Variants in ZNF423 observed in about 807,000 individuals in gnomAD.
ZNF423 encodes Ebf-associated zinc finger protein.
Under a neutral mutation model 95.8 loss-of-function variants are expected in ZNF423, and 12 were observed. The ratio of observed to expected loss-of-function variants is 0.13; its 90% CI spans 0.08 to 0.20. ZNF423 has a LOEUF of 0.20. ZNF423 is among the 10% of genes least tolerant of loss of function. The pLI, the probability that ZNF423 is intolerant of heterozygous loss-of-function variation, is 1.00. For synonymous variants in ZNF423, 749 were observed against 711.9 expected, an observed-to-expected ratio of 1.05 and a Z score of -0.83; for missense variants, 1,316 against 1,737.1, an observed-to-expected ratio of 0.76 and a Z score of 4.31.
At chr16:49,566,627 G>T (rs939822015) in intron 5 of ZNF423, among the ~76,000 whole-genome samples, 3 of 152,208 alleles carry the variant, frequency 2.0e-5, no homozygotes, top group African/African-American at 7.2e-5. Flanking sequence ...TCTTTCATTT[G>T]AGTAATTATC....
rs766807470 is a variant in ZNF423 at position 49,680,507 on chromosome 16, G to T, written c.302-41633C>A. On this transcript the variant is annotated intron_variant, in intron 3 of 7. Transcript: ENST00000563137. ...CAGAAGAGCTGCAGCCCTTCGGTGAGCCCAGACCTAGAGGCTCCCCAAGCC... is the reference window on the plus strand; with the variant it reads ...CAGAAGAGCTGCAGCCCTTCGGTGATCCCAGACCTAGAGGCTCCCCAAGCC... Among the ~76,000 whole-genome samples, 31 of 152,212 alleles carry T rather than the reference G, an allele frequency of 2.0e-4. 1 individual carries two copies. Among genetic ancestry groups the T allele is most frequent in the Admixed American group, 8.5e-4 (13 of 15,288 alleles).
At chr16:49,567,366 T>C (rs1970225257) in intron 5 of ZNF423, among the ~76,000 whole-genome samples, 1 of 152,184 alleles carries the variant, frequency 6.6e-6, no homozygotes, top group Non-Finnish European at 1.5e-5. Flanking sequence ...ACTGCGATGC[T>C]CCCATGATGC....
chr16:49,660,955 T>G (rs1471133631), intron 3 of ZNF423, among the ~76,000 whole-genome samples: 1 of 152,112 alleles, frequency 6.6e-6, no homozygotes, highest in African/African-American at 2.4e-5. Context: ...GCATGGTGAC[T>G]CACACCTATA....
chr16:49,857,306 TGGCGGC>T (rs59062897), upstream of ZNF423, among the ~76,000 whole-genome samples: 26 of 144,468 alleles, frequency 1.8e-4, no homozygotes, highest in East Asian at 2.7e-3. The surrounding 1 kb of genome is among the most constrained non-coding windows in gnomAD (Gnocchi z 6.2). Context: ...CGGACCGTGG[TGGCGGC>T]GGCGGCGGCG....
intron 5 of ZNF423, among the ~76,000 whole-genome samples, chr16:49,561,274 A>G (rs538588538): frequency 1.3e-5 from 2 of 152,336 alleles, no homozygotes; most frequent in South Asian, 4.1e-4. Context: ...AAGGCTACAA[A>G]ATCAAAATTC....
intron 2 of ZNF423, among the ~76,000 whole-genome samples, chr16:49,776,315 G>T (rs978951665): frequency 6.6e-6 from 1 of 152,146 alleles, no homozygotes; most frequent in African/African-American, 2.4e-5. Flanking sequence ...CCAGCCCAGC[G>T]GGTGGGGAGG....
chr16:49,702,909 G>GCACA (rs66522223), intron 3 of ZNF423, among the ~76,000 whole-genome samples: 2,192 of 147,610 alleles, frequency 0.015, 36 homozygotes, highest in African/African-American at 0.041. Context: ...GTGTGCACAC[G>GCACA]CACACACACA....
Position 49,637,332 on chromosome 16 carries a change from G to C in ZNF423, c.1844C>G (p.Ser615Trp). ...KKSKAEQSPVSSDVEVSSPKR... is the reference protein window; with the variant it reads ...KKSKAEQSPVWSDVEVSSPKR... ...CGGGGAAGACACCTCCACATCGGAC[G>C]AGACTGGGCTCTGCTCGGCCTTGGA... Residue 615 changes from serine to tryptophan, a missense_variant, in exon 4 of 8, where the codon TCG becomes TGG. Transcript: ENST00000563137. This position sits in a 1 kb window ranked among gnomAD's most constrained non-coding sequence, Gnocchi z 5.6. 1 of 1,614,218 alleles carries C rather than the reference G, an allele frequency of 6.2e-7. No homozygotes were observed. Among genetic ancestry groups the C allele is most frequent in the East Asian group, 2.2e-5 (1 of 44,880 alleles).
chr16:49,800,575 GACACACACACAC>G (rs71138006), intron 1 of ZNF423, among the ~76,000 whole-genome samples: 3 of 150,050 alleles, frequency 2.0e-5, no homozygotes, highest in Non-Finnish European at 4.4e-5. Context: ...ACCTGGACAT[GACACACACACAC>G]ACACACACAC....
intron 3 of ZNF423, among the ~76,000 whole-genome samples, chr16:49,700,439 C>G (rs1245663237): frequency 6.6e-6 from 1 of 152,144 alleles, no homozygotes; most frequent in African/African-American, 2.4e-5. Context: ...CACAGCCCCA[C>G]CCATCATGAC....
intron 1 of ZNF423, among the ~76,000 whole-genome samples, chr16:49,832,337 G>A (rs1340255794): frequency 6.6e-6 from 1 of 152,230 alleles, no homozygotes; most frequent in Non-Finnish European, 1.5e-5. Context: ...GTCTTCTGGG[G>A]TAGCAGGCCC....
At chr16:49,737,663 G>A (rs894235590) in intron 2 of ZNF423, among the ~76,000 whole-genome samples, 8 of 152,204 alleles carry the variant, frequency 5.3e-5, no homozygotes, top group East Asian at 3.9e-4. Context: ...AAAGGGGAAC[G>A]GGGAGAGGCC....
chr16:49,777,974 T>C (rs1212580644), intron 2 of ZNF423, among the ~76,000 whole-genome samples: 1 of 152,180 alleles, frequency 6.6e-6, no homozygotes, highest in Admixed American at 6.5e-5. Context: ...TTGCAAGGCA[T>C]TTAGCCTTGA....
intron 7 of ZNF423, among the ~76,000 whole-genome samples, chr16:49,513,402 A>C (rs915275791): frequency 2.6e-5 from 4 of 152,228 alleles, no homozygotes; most frequent in African/African-American, 9.6e-5. Flanking sequence ...ATGTGCCTAG[A>C]GCACTTTTGA....
At chr16:49,579,284 T>C (rs1186617637) in intron 5 of ZNF423, among the ~76,000 whole-genome samples, 2 of 122,828 alleles carry the variant, frequency 1.6e-5, no homozygotes, top group Non-Finnish European at 3.2e-5. Context: ...GAAGGTCAGG[T>C]GCACACATGC....
At chr16:49,498,316 A>G (rs1458443639) in intron 7 of ZNF423, among the ~76,000 whole-genome samples, 1 of 152,252 alleles carries the variant, frequency 6.6e-6, no homozygotes, top group South Asian at 2.1e-4. Flanking sequence ...GCACCCATGC[A>G]GTCTGTCTGC....
At chr16:49,578,677 A>G (rs1401215907) in intron 5 of ZNF423, among the ~76,000 whole-genome samples, 1 of 152,184 alleles carries the variant, frequency 6.6e-6, no homozygotes, top group Non-Finnish European at 1.5e-5. Flanking sequence ...GGAGCAGGGC[A>G]TGGGCTCCCA....
chr16:49,755,939 G>A (rs1304553162), intron 2 of ZNF423, among the ~76,000 whole-genome samples: 2 of 152,164 alleles, frequency 1.3e-5, no homozygotes, highest in Non-Finnish European at 2.9e-5. Context: ...AGACGGCCCT[G>A]CCTCGGAGGA....
intron 1 of ZNF423, chr16:49,853,696 C>T (rs768324732): frequency 1.0e-6 from 1 of 985,220 alleles, no homozygotes; most frequent in Non-Finnish European, 1.2e-6. Context: ...TTTCAAGGCT[C>T]ATTTCATGAA....
Sources: gnomAD v4.1 joint callset for allele counts (sites outside exome capture counted in the v4.1 genomes callset) on GRCh38, gnomAD v4.1.1 for gene constraint, Gnocchi (gnomAD v3.1) non-coding constraint, MANE v1.5 for transcripts, NCBI Gene and HGNC (gene_info 2026-07-23, HGNC 2026-07-21) for gene names.